Variants in VAT1L observed in about 807,000 individuals in gnomAD.
The protein encoded by VAT1L is vesicle amine transport 1 like.
VAT1L carries 34 observed loss-of-function variants against 44.1 expected under a neutral mutation model. That is an observed-to-expected ratio of 0.77 (90% CI 0.59 to 1.03). VAT1L has a LOEUF of 1.03. Among genes scored for constraint, VAT1L ranks in the 50% least tolerant of loss-of-function variants. The pLI, the probability that VAT1L is intolerant of heterozygous loss-of-function variation, is 0.00. For synonymous variants in VAT1L, 253 were observed against 202.2 expected (o/e 1.25, Z -2.13); for missense variants, 615 against 538.8 (o/e 1.14, Z -1.40).
rs183798494 is a variant in VAT1L at position 77,890,525 on chromosome 16, G to A, written c.1077+5723G>A. Among the ~76,000 whole-genome samples the A allele has an allele frequency of 2.7e-3, 414 of 152,286 alleles. 6 individuals are homozygous for A. The highest frequency in any genetic ancestry group is 0.026 in the Admixed American group (401 of 15,298). On this transcript the variant is annotated intron_variant, in intron 7 of 8. Transcript: ENST00000302536. Reference sequence around the variant, plus strand: ...TGATCACTGTAAAGATTCACACTTAGATACAGCTGTGGTCTCTGATTAAAA... The same window carrying A: ...TGATCACTGTAAAGATTCACACTTAAATACAGCTGTGGTCTCTGATTAAAA...
Position 77,884,216 on chromosome 16 carries a change from G to C in VAT1L, c.883-392G>C, listed in dbSNP as rs1003181115. On this transcript the variant is annotated intron_variant, in intron 6 of 8. Coordinates refer to ENST00000302536, the MANE Select transcript of VAT1L (RefSeq NM_020927.3). The surrounding 1 kb of genome is among the most constrained non-coding windows in gnomAD (Gnocchi z 4.5). ...CAAGGCGGGTGGATCACGAGGTCAGGAGTTCAAGACCAGCCTGGCCAAGAT... is the reference window on the plus strand; with the variant it reads ...CAAGGCGGGTGGATCACGAGGTCAGCAGTTCAAGACCAGCCTGGCCAAGAT... Among the ~76,000 whole-genome samples, 1 of 152,006 alleles carries C rather than the reference G, an allele frequency of 6.6e-6. No individual in the cohort carries two copies. Among genetic ancestry groups the C allele is most frequent in the Admixed American group, 6.6e-5 (1 of 15,252 alleles).
At chr16:77,843,591 G>A (rs2016728926) in intron 3 of VAT1L, among the ~76,000 whole-genome samples, 1 of 152,158 alleles carries the variant, frequency 6.6e-6, no homozygotes, top group Admixed American at 6.5e-5. Context: ...CATTAAGAAC[G>A]GGAAATATTT....
At chr16:77,917,198 T>A (rs1277705323) in intron 7 of VAT1L, among the ~76,000 whole-genome samples, 1 of 152,038 alleles carries the variant, frequency 6.6e-6, no homozygotes, top group Non-Finnish European at 1.5e-5. Context: ...AAAAGAAATC[T>A]AAGCTCATCT....
rs10566511 is a variant in VAT1L at position 77,964,779 on chromosome 16, C to CTTTTTTTTTTTT, written c.1078-7050_1078-7039dup. ...AACACTGCTCACGCCCTTTGTAGCA[C>CTTTTTTTTTTTT]TTTTTTTTTTTTTTTTTTTTTTTTT... On this transcript the variant is annotated intron_variant, in intron 7 of 8. Transcript: ENST00000302536. Among the ~76,000 whole-genome samples, 86 of 91,866 alleles carry CTTTTTTTTTTTT rather than the reference C, an allele frequency of 9.4e-4. 6 individuals carry two copies. In the East Asian group the frequency reaches 0.011, roughly 12 times the overall value. The allele number at this position is 91,866 out of a possible 152,430, so 60.3% of individuals were successfully genotyped here.
chr16:77,828,173 C>G (rs889712794), intron 3 of VAT1L, among the ~76,000 whole-genome samples: 17 of 152,190 alleles, frequency 1.1e-4, no homozygotes, highest in African/African-American at 3.9e-4. Flanking sequence ...CACTGTCTTA[C>G]AAAATCTAAG....
intron 3 of VAT1L, among the ~76,000 whole-genome samples, chr16:77,847,954 G>C (rs150330792): frequency 1.3e-5 from 2 of 152,274 alleles, no homozygotes; most frequent in East Asian, 1.9e-4. Context: ...ACGTTTAAGA[G>C]GGTTATCACC....
Position 77,919,523 on chromosome 16 carries a change from G to A in VAT1L, c.1077+34721G>A, listed in dbSNP as rs563031097. On this transcript the variant is annotated intron_variant, in intron 7 of 8. Coordinates refer to ENST00000302536, the MANE Select transcript of VAT1L (RefSeq NM_020927.3). ...GAGCTGGGGTAGGATGAATGATGTG[G>A]GAATTTGCAAGCGTTACTGAGCGAG... Among the ~76,000 whole-genome samples the A allele has an allele frequency of 2.0e-5, 3 of 152,270 alleles. No homozygotes were observed. The South Asian group carries it at 6.2e-4, about 32-fold the overall frequency.
intron 7 of VAT1L, among the ~76,000 whole-genome samples, chr16:77,940,250 A>C (rs998212435): frequency 3.9e-5 from 6 of 152,102 alleles, no homozygotes; most frequent in African/African-American, 1.4e-4. Flanking sequence ...TCAAGCTACA[A>C]ATGTGCTATC....
At chr16:77,903,035 C>T (rs2017401418) in intron 7 of VAT1L, among the ~76,000 whole-genome samples, 1 of 150,336 alleles carries the variant, frequency 6.7e-6, no homozygotes, top group Non-Finnish European at 1.5e-5. Context: ...ATACCTTACA[C>T]TCTCATAGTA....
intron 2 of VAT1L, among the ~76,000 whole-genome samples, chr16:77,823,034 T>A (rs1006545564): frequency 3.9e-4 from 59 of 152,190 alleles, no homozygotes; most frequent in African/African-American, 1.3e-3. Flanking sequence ...CAGTCTGTTG[T>A]CTTTATACTA....
chr16:77,967,781 G>A (rs1260878576), intron 7 of VAT1L, among the ~76,000 whole-genome samples: 1 of 152,184 alleles, frequency 6.6e-6, no homozygotes, highest in African/African-American at 2.4e-5. Flanking sequence ...TCTCCAAGGA[G>A]TTTTCAGATG....
At chr16:77,931,652 G>C (rs533938969) in intron 7 of VAT1L, among the ~76,000 whole-genome samples, 1 of 152,276 alleles carries the variant, frequency 6.6e-6, no homozygotes, top group East Asian at 1.9e-4. Context: ...TGTAAGCATG[G>C]ATTGTTGTAC....
chr16:77,931,413 T>C (rs530219077), intron 7 of VAT1L, among the ~76,000 whole-genome samples: 1 of 152,282 alleles, frequency 6.6e-6, no homozygotes, highest in East Asian at 1.9e-4. Context: ...GAAATAACTT[T>C]TACATCAGAT....
chr16:77,910,690 A>AAG (rs1211042405), intron 7 of VAT1L, among the ~76,000 whole-genome samples: 9 of 150,888 alleles, frequency 6.0e-5, no homozygotes, highest in Non-Finnish European at 8.9e-5. Flanking sequence ...AAAAAAAAAA[A>AAG]AAAGAAAGAA....
intron 7 of VAT1L, among the ~76,000 whole-genome samples, chr16:77,964,802 T>G (rs1212996502): frequency 8.4e-6 from 1 of 119,050 alleles, no homozygotes; most frequent in African/African-American, 3.0e-5. Flanking sequence ...TTTTTTTTTT[T>G]TTTTTTTTTA....
At chr16:77,977,117 G>C (rs1447178835) in intron 8 of VAT1L, among the ~76,000 whole-genome samples, 3 of 152,136 alleles carry the variant, frequency 2.0e-5, no homozygotes, top group Admixed American at 6.5e-5. Flanking sequence ...TGTCACCAGA[G>C]CATGCTTGAG....
intron 5 of VAT1L, among the ~76,000 whole-genome samples, chr16:77,878,729 C>G (rs980750584): frequency 6.6e-6 from 1 of 152,124 alleles, no homozygotes; most frequent in Admixed American, 6.5e-5. Context: ...CTCTGCTCCA[C>G]CTCTCCCACC....
At chr16:77,808,526 C>CA (rs2016204217) in intron 1 of VAT1L, among the ~76,000 whole-genome samples, 1 of 152,112 alleles carries the variant, frequency 6.6e-6, no homozygotes, top group Non-Finnish European at 1.5e-5. Context: ...TCCCTGGTGC[C>CA]AAAAAGGTTT....
chr16:77,973,959 C>T (rs1052650495), intron 8 of VAT1L, among the ~76,000 whole-genome samples: 5 of 152,066 alleles, frequency 3.3e-5, no homozygotes, highest in South Asian at 4.2e-4. Flanking sequence ...CCTTGTGATC[C>T]GCCCACCTCG....
Sources: gnomAD v4.1 joint callset for allele counts (sites outside exome capture counted in the v4.1 genomes callset) on GRCh38, gnomAD v4.1.1 for gene constraint, Gnocchi (gnomAD v3.1) non-coding constraint, MANE v1.5 for transcripts, NCBI Gene and HGNC (gene_info 2026-07-23, HGNC 2026-07-21) for gene names.